Variants in DAPK1 observed in about 807,000 individuals in gnomAD.
The protein encoded by DAPK1 is death-associated protein kinase 1.
A neutral mutation model predicts 144.9 loss-of-function variants in DAPK1; 56 were observed. The observed-to-expected ratio is 0.39, with a 90% CI of 0.31 to 0.48. DAPK1 has a LOEUF of 0.48. Ranked by LOEUF, DAPK1 falls within the 20% of genes least tolerant of loss-of-function variation. The pLI is 0.95. For synonymous variants in DAPK1, 690 were observed against 749.0 expected, an observed-to-expected ratio of 0.92 and a Z score of 1.29; for missense variants, 1,454 against 1,875.4, an observed-to-expected ratio of 0.78 and a Z score of 4.15.
At chr9:87,497,773 G>C (rs995707360), upstream of DAPK1, 1 of 343,050 alleles carries the variant, frequency 2.9e-6, no homozygotes, top group Non-Finnish European at 5.2e-6. Flanking sequence ...CAGCTCGGAG[G>C]TGGGTGGGCC....
At chr9:87,641,323 C>G (rs1204964192) in intron 9 of DAPK1, among the ~76,000 whole-genome samples, 1 of 152,162 alleles carries the variant, frequency 6.6e-6, no homozygotes, top group African/African-American at 2.4e-5. Flanking sequence ...CCTGCCTGGC[C>G]TGGTTGACAT....
intron 25 of DAPK1, among the ~76,000 whole-genome samples, chr9:87,705,527 C>T (rs149177488): frequency 2.6e-4 from 40 of 152,280 alleles, no homozygotes; most frequent in African/African-American, 9.4e-4. Flanking sequence ...CAGCCTACTA[C>T]ATTTAAGCTG....
chr9:87,511,283 A>G (rs1824832219), intron 2 of DAPK1, among the ~76,000 whole-genome samples: 1 of 152,120 alleles, frequency 6.6e-6, no homozygotes, highest in Non-Finnish European at 1.5e-5. Flanking sequence ...AGTCCACCTT[A>G]TTATGTGCTC....
At chr9:87,638,649 T>C (rs941839398) in intron 4 of DAPK1, among the ~76,000 whole-genome samples, 1 of 152,070 alleles carries the variant, frequency 6.6e-6, no homozygotes, top group African/African-American at 2.4e-5. Flanking sequence ...TGGTGGGAAG[T>C]TCCAGTTCAA....
At chr9:87,505,199 C>A (rs1404866122) in intron 2 of DAPK1, among the ~76,000 whole-genome samples, 2 of 152,206 alleles carry the variant, frequency 1.3e-5, no homozygotes, top group African/African-American at 4.8e-5. Flanking sequence ...TAGGAACTTT[C>A]ATCCTTCATT....
At chr9:87,508,734 T>C (rs555594630) in intron 2 of DAPK1, among the ~76,000 whole-genome samples, 1 of 147,520 alleles carries the variant, frequency 6.8e-6, no homozygotes, top group South Asian at 2.2e-4. Context: ...GTAGAGAAAG[T>C]CATCAATGCC....
intron 2 of DAPK1, among the ~76,000 whole-genome samples, chr9:87,554,655 C>T (rs543763220): frequency 2.1e-4 from 32 of 152,292 alleles, no homozygotes; most frequent in African/African-American, 7.5e-4. Context: ...GCGCTAGTTG[C>T]TCCTATAGTC....
chr9:87,635,470 A>G (rs116006864), intron 3 of DAPK1, among the ~76,000 whole-genome samples: 2,259 of 152,280 alleles, frequency 0.015, 65 homozygotes, highest in African/African-American at 0.051. Flanking sequence ...CATTCACAGC[A>G]GAAGTTTCAG....
intron 25 of DAPK1, among the ~76,000 whole-genome samples, chr9:87,704,804 T>C (rs1483842338): frequency 6.6e-6 from 1 of 152,182 alleles, no homozygotes; most frequent in African/African-American, 2.4e-5. Context: ...TAAGCCAGAC[T>C]GTGGGCAGGA....
At chr9:87,589,055 A>ATTT (rs35875159) in intron 2 of DAPK1, among the ~76,000 whole-genome samples, 6,004 of 100,770 alleles carry the variant, frequency 0.06, 158 homozygotes, top group African/African-American at 0.12. Flanking sequence ...CGCCCGGCTA[A>ATTT]TTTTTTTTTT....
At chr9:87,615,881 G>T (rs1467963309) in intron 3 of DAPK1, among the ~76,000 whole-genome samples, 2 of 152,242 alleles carry the variant, frequency 1.3e-5, no homozygotes, top group East Asian at 1.9e-4. Context: ...CTTGGAGAGA[G>T]AATTCTTTTG....
intron 3 of DAPK1, among the ~76,000 whole-genome samples, chr9:87,610,454 C>T (rs1357520291): frequency 1.3e-5 from 2 of 152,278 alleles, no homozygotes; most frequent in East Asian, 3.8e-4. Flanking sequence ...GCCAAACTCA[C>T]AGAACTTAAA....
At chr9:87,692,649 T>C (rs1825101363) in intron 21 of DAPK1, among the ~76,000 whole-genome samples, 1 of 152,226 alleles carries the variant, frequency 6.6e-6, no homozygotes, top group Admixed American at 6.5e-5. Context: ...CCAGTGGATT[T>C]ATGCTTTCGT....
At chr9:87,646,085 G>T (rs1830258108) in intron 12 of DAPK1, 71 bp downstream of exon 12, 1 of 1,540,184 alleles carries the variant, frequency 6.5e-7, no homozygotes, top group East Asian at 2.3e-5. Context: ...TCCAAGGAAA[G>T]ACCCCATCTG....
rs36212050 is a variant in DAPK1, at chr9:87,642,259, A to T, written c.918+201A>T. ...TATTTTAGTCACTTTAACTGATACCATTAAATGTAATTTTGTGTTGTTTTC... is the reference window on the plus strand; with the variant it reads ...TATTTTAGTCACTTTAACTGATACCTTTAAATGTAATTTTGTGTTGTTTTC... On this transcript the variant is annotated intron_variant, in intron 10 of 25. Transcript: ENST00000408954. 5.3e-3 allele frequency among the ~76,000 whole-genome samples: 811 copies of T among 152,354 alleles called. 7 individuals carry two copies. Among genetic ancestry groups the T allele is most frequent in the African/African-American group, 0.017 (713 of 41,570 alleles).
intron 13 of DAPK1, among the ~76,000 whole-genome samples, chr9:87,647,028 T>C (rs951303328): frequency 1.1e-4 from 17 of 152,196 alleles, no homozygotes; most frequent in Non-Finnish European, 1.8e-4. Context: ...CAATTGTTTA[T>C]TTTGAAATCA....
At chr9:87,508,152 C>T (rs1244498304) in intron 2 of DAPK1, among the ~76,000 whole-genome samples, 1 of 151,808 alleles carries the variant, frequency 6.6e-6, no homozygotes, top group Non-Finnish European at 1.5e-5. Context: ...GCTGGGACTA[C>T]AGGCACCCGC....
chr9:87,659,946 T>C (rs1426189791), intron 18 of DAPK1, among the ~76,000 whole-genome samples: 1 of 151,784 alleles, frequency 6.6e-6, no homozygotes, highest in Non-Finnish European at 1.5e-5. Flanking sequence ...GACCTGAGAG[T>C]CATAGCCGTC....
rs1207384529 is a variant in DAPK1, at chr9:87,639,467, G to C, written c.537G>C (p.Gly179=). 6.2e-7 allele frequency: 1 copy of C among 1,612,624 alleles called. No homozygotes were observed. The highest frequency in any genetic ancestry group is 8.5e-7 in the Non-Finnish European group (1 of 1,179,740). ...DFGNEFKNIF[G]TPEFVAPEIV... ...GAAATGAATTTAAAAACATATTTGGGACTCCAGAGTTTGTCGGTAAGTTTC... is the reference window on the plus strand; with the variant it reads ...GAAATGAATTTAAAAACATATTTGGCACTCCAGAGTTTGTCGGTAAGTTTC... The change falls in exon 5 of 26, where the codon GGG becomes GGC. Residue 179 remains glycine (G), a synonymous_variant. Transcript: ENST00000408954.
Sources: gnomAD v4.1 joint callset for allele counts (sites outside exome capture counted in the v4.1 genomes callset) on GRCh38, gnomAD v4.1.1 for gene constraint, MANE v1.5 for transcripts, NCBI Gene and HGNC (gene_info 2026-07-23, HGNC 2026-07-21) for gene names.